MLLT6: variants seen among roughly 807,000 people sequenced by gnomAD.
MLLT6 encodes the protein MLLT6, PHD finger containing, also known as protein AF-17.
Under a neutral mutation model 103.0 loss-of-function variants are expected in MLLT6, and 22 were observed. That is an observed-to-expected ratio of 0.21 (90% CI 0.15 to 0.31). The LOEUF (loss-of-function observed/expected upper bound fraction) is 0.31. MLLT6 is among the 10% of genes least tolerant of loss of function. MLLT6 has a pLI of 1.00. For missense variants in MLLT6, 1,199 were observed against 1,441.7 expected, an observed-to-expected ratio of 0.83 and a Z score of 2.73; for synonymous variants, 606 against 623.5, an observed-to-expected ratio of 0.97 and a Z score of 0.42.
At position 38,716,496 on chromosome 17, in the gene MLLT6, C is replaced by T. The variant is rs201269762; in HGVS notation, c.1166C>T (p.Pro389Leu). 2.2e-5 allele frequency: 36 copies of T among 1,614,084 alleles called. No homozygotes were observed. Among genetic ancestry groups the T allele is most frequent in the Non-Finnish European group, 2.9e-5 (34 of 1,180,036 alleles). Residue 389 changes from proline to leucine, a missense_variant, in exon 10 of 20, where the codon CCC (proline) becomes CTC (leucine). Transcript: ENST00000621332. This position sits in a 1 kb window ranked among gnomAD's most constrained non-coding sequence, Gnocchi z 5.6. ...CCTTCTCCCTCAGCTCCCGAGCCCC[C>T]CAAGGCTGACCTTTTTGAGCAGAAG... Reference protein sequence around the residue: ...APPSPSAPEPPKADLFEQKVV... With the variant: ...APPSPSAPEPLKADLFEQKVV...
Position 38,720,541 on chromosome 17 carries a change from C to T in MLLT6, c.2325C>T (p.Val775=). Reference sequence around the variant, plus strand: ...CCCTGCCTGCCGCCAACGGCCCTGTCCCTGGGCCCTATGGCCTGCCTCCCC... The same window carrying T: ...CCCTGCCTGCCGCCAACGGCCCTGTTCCTGGGCCCTATGGCCTGCCTCCCC... ...PAALPAANGP[V]PGPYGLPPQA... The change falls in exon 15 of 20, where the codon GTC becomes GTT. Residue 775 remains valine (V), a synonymous_variant. Transcript: ENST00000621332. 3 of 1,612,274 alleles carry T rather than the reference C, an allele frequency of 1.9e-6. No homozygotes were observed. The highest frequency in any genetic ancestry group is 2.5e-6 in the Non-Finnish European group (3 of 1,179,584).
In MLLT6 at chr17:38,720,006, C is replaced by T. The variant is rs1646346275; in HGVS notation, c.2155+111C>T. On this transcript the variant is annotated intron_variant, in intron 14 of 19. Coordinates refer to ENST00000621332, the MANE Select transcript of MLLT6 (RefSeq NM_005937.4). ...GTTCCGCCCTTAGGCCCCGCCCCAG[C>T]CTTGACTCTCGGCCACCCCGGGCCT... The T allele has an allele frequency of 7.9e-6, 11 of 1,400,146 alleles. No individual in the cohort carries two copies. The South Asian group carries it at 1.6e-4, about 20-fold the overall frequency. The allele number at this position is 1,400,146 out of a possible 1,614,324, so 86.7% of individuals were successfully genotyped here. A position where few individuals can be genotyped will look rare whatever the true frequency, so the allele number is the denominator to read the frequency against.
chr17:38,725,675 C>T lies in MLLT6; in HGVS notation c.*77C>T, dbSNP rs1012873013. 2.7e-5 allele frequency: 34 copies of T among 1,277,270 alleles called. No individual in the cohort carries two copies. Among genetic ancestry groups the T allele is most frequent in the African/African-American group, 9.4e-5 (6 of 63,732 alleles). The allele number at this position is 1,277,270 out of a possible 1,614,324, so 79.1% of individuals were successfully genotyped here. On this transcript the variant is annotated 3_prime_UTR_variant, in exon 20 of 20. Transcript: ENST00000621332. ...CTGAGGGGTCCTAGCCTGGAGCAGGCGCCTGCGCCCAGACCCTGGAGAGCC... is the reference window on the plus strand; with the variant it reads ...CTGAGGGGTCCTAGCCTGGAGCAGGTGCCTGCGCCCAGACCCTGGAGAGCC...
In MLLT6 at chr17:38,724,462, C is replaced by A; in HGVS notation, c.2884-158C>A. The A allele has an allele frequency of 1.7e-6, 1 of 580,414 alleles. No individual in the cohort carries two copies. Among genetic ancestry groups the A allele is most frequent in the Non-Finnish European group, 3.0e-6 (1 of 332,922 alleles). 36.0% of individuals were successfully genotyped at this position (580,414 alleles called of 1,614,324 possible). A position where few individuals can be genotyped will look rare whatever the true frequency, so the allele number is the denominator to read the frequency against. On this transcript the variant is annotated intron_variant, in intron 18 of 19. Transcript: ENST00000621332. The surrounding 1 kb of genome is among the most constrained non-coding windows in gnomAD (Gnocchi z 5.4). Reference sequence around the variant, plus strand: ...TCTTGTCTAGATGGGGAGACCCAGGCTAAGTGGGAAATGCGAGACAGTACC... The same window carrying A: ...TCTTGTCTAGATGGGGAGACCCAGGATAAGTGGGAAATGCGAGACAGTACC...
intron 8 of MLLT6, chr17:38,713,954 A>G (rs1905230354): frequency 2.0e-5 from 3 of 152,280 alleles, no homozygotes; most frequent in Non-Finnish European, 2.9e-5. Context: ...TCCAGCCTGC[A>G]TTCAGCATTT....
rs72836945 is a variant in MLLT6 at position 38,709,906 on chromosome 17, A to G, written c.552+331A>G. ...AACATTTGTGTGGGAGGCAGCATTT[A>G]CTACGCCTCCGCCTTAGGACAAAGT... On this transcript the variant is annotated intron_variant, in intron 6 of 19. Coordinates refer to ENST00000621332, the MANE Select transcript of MLLT6 (RefSeq NM_005937.4). This position sits in a 1 kb window ranked among gnomAD's most constrained non-coding sequence, Gnocchi z 4.3. Among the ~76,000 whole-genome samples the G allele has an allele frequency of 0.056, 8,473 of 152,320 alleles. 299 individuals are homozygous for G. Among genetic ancestry groups the G allele is most frequent in the Non-Finnish European group, 0.084 (5,684 of 68,010 alleles).
chr17:38,717,744 C>A (rs2143691912), intron 11 of MLLT6, 101 bp from the exon 12 acceptor site: 1 of 1,348,854 alleles, frequency 7.4e-7, no homozygotes, highest in South Asian at 1.2e-5. Flanking sequence ...GGCTCTGGAC[C>A]CCTCTGCTCC....
chr17:38,716,565 C>T lies in MLLT6; in HGVS notation c.1235C>T (p.Thr412Ile). ...GGGCCCATCATGCGCTTCTCCACCA[C>T]CACCTCCAGCTCAGGCCGGGCCCGG... ...GFGPIMRFSTTTSSSGRARAP... is the reference protein window; with the variant it reads ...GFGPIMRFSTITSSSGRARAP... The change falls in exon 10 of 20, where the codon ACC becomes ATC. Residue 412 changes from threonine (T) to isoleucine (I), a missense_variant. Physicochemically the swap from Thr to Ile is moderately conservative, Grantham distance 89 (BLOSUM62 -1). This residue lies in a region of MLLT6 where 1,034 missense variants were observed against 1,091.5 expected (regional missense o/e 0.95). Transcript: ENST00000621332. This position sits in a 1 kb window ranked among gnomAD's most constrained non-coding sequence, Gnocchi z 5.6. 5 of 1,614,134 alleles carry T rather than the reference C, an allele frequency of 3.1e-6. No homozygotes were observed. The highest frequency in any genetic ancestry group is 4.2e-6 in the Non-Finnish European group (5 of 1,180,040).
chr17:38,707,440 C>T (rs1450952207), intron 2 of MLLT6, 46 bp from the exon 3 acceptor site: 2 of 1,599,784 alleles, frequency 1.3e-6, no homozygotes, highest in East Asian at 2.2e-5. Flanking sequence ...CAGGGAGGGT[C>T]CAGCTCAGCA....
intron 16 of MLLT6, chr17:38,721,133 A>G (rs933773553): frequency 7.3e-6 from 2 of 275,144 alleles, no homozygotes; most frequent in Non-Finnish European, 1.4e-5. Context: ...TGAAGGGTTT[A>G]TTATAGCGCC....
rs147190772 is a variant in MLLT6 at position 38,713,384 on chromosome 17, G to A, written c.819+595G>A. 19 of 318,098 alleles carry A rather than the reference G, an allele frequency of 6.0e-5. No homozygotes were observed. In the East Asian group the frequency reaches 9.3e-4, roughly 16 times the overall value. The allele number at this position is 318,098 out of a possible 1,614,324, so 19.7% of individuals were successfully genotyped here. A position where few individuals can be genotyped will look rare whatever the true frequency, so the allele number is the denominator to read the frequency against. ...AGGCCCTACCCTAGGCCAGGGAATT[G>A]CTAATCCAAGCTGGAACAGCCCTCC... On this transcript the variant is annotated intron_variant, in intron 8 of 19. Coordinates refer to ENST00000621332, the MANE Select transcript of MLLT6 (RefSeq NM_005937.4).
At chr17:38,706,863 C>T in intron 1 of MLLT6, 87 bp from the exon 2 acceptor site, 1 of 1,163,952 alleles carries the variant, frequency 8.6e-7, no homozygotes. Context: ...GGCTCTAGTC[C>T]TTTGGAGTCA....
chr17:38,714,275 C>T (rs1905239914), intron 8 of MLLT6: 1 of 152,246 alleles, frequency 6.6e-6, no homozygotes. Flanking sequence ...GGCTTGTGCT[C>T]TTCACCTGCC....
chr17:38,706,160 A>T (rs1379294051), intron 1 of MLLT6: 1 of 152,250 alleles, frequency 6.6e-6, no homozygotes, highest in Non-Finnish European at 1.5e-5. Context: ...GGAGGAGCGG[A>T]CTTGGAAAGG....
intron 10 of MLLT6, among the ~76,000 whole-genome samples, chr17:38,717,185 G>A (rs543383950): frequency 7.2e-5 from 11 of 152,294 alleles, no homozygotes; most frequent in African/African-American, 2.6e-4. Flanking sequence ...GTTTTACCAA[G>A]TTTTGGGAGG....
At chr17:38,713,318 C>T in intron 8 of MLLT6, 1 of 401,734 alleles carries the variant, frequency 2.5e-6, no homozygotes. Context: ...GTATGTCAGG[C>T]CTGTCTCCAG....
chr17:38,709,418 G>A lies in MLLT6; in HGVS notation c.459-64G>A. 6.7e-7 allele frequency: 1 copy of A among 1,487,040 alleles called. No homozygotes were observed. Among genetic ancestry groups the A allele is most frequent in the Non-Finnish European group, 9.4e-7 (1 of 1,064,410 alleles). The allele number at this position is 1,487,040 out of a possible 1,614,324, so 92.1% of individuals were successfully genotyped here. On this transcript the variant is annotated intron_variant, in intron 5 of 19. Coordinates refer to ENST00000621332, the MANE Select transcript of MLLT6 (RefSeq NM_005937.4). The surrounding 1 kb of genome is among the most constrained non-coding windows in gnomAD (Gnocchi z 4.3). ...TTCGCCTCAGCAGGGGGCCAGGAGGGTGAGAGGAAGGTGGCTCATGTGATC... is the reference window on the plus strand; with the variant it reads ...TTCGCCTCAGCAGGGGGCCAGGAGGATGAGAGGAAGGTGGCTCATGTGATC...
rs201581348 is a variant in MLLT6, at chr17:38,711,868, G to T, written c.574G>T (p.Gly192Trp). ...GCAGAAGACATCCCGGCACAGCAGCGGGGGAGGCGGAGGAGGCGCTGGAGG... is the reference window on the plus strand; with the variant it reads ...GCAGAAGACATCCCGGCACAGCAGCTGGGGAGGCGGAGGAGGCGCTGGAGG... The part of the protein sequence containing the change: ...SKMKTSRHSS[G>W]GGGGGAGGGG... Residue 192 changes from glycine to tryptophan, a missense_variant, in exon 7 of 20, where the codon GGG becomes TGG. Physicochemically the swap from Gly to Trp is radical, Grantham distance 184. Transcript: ENST00000621332. The T allele has an allele frequency of 6.3e-7, 1 of 1,585,126 alleles. No homozygotes were observed. The highest frequency in any genetic ancestry group is 1.8e-5 in the Admixed American group (1 of 55,678).
chr17:38,714,006 G>A (rs1905232218), intron 8 of MLLT6: 1 of 152,244 alleles, frequency 6.6e-6, no homozygotes, highest in South Asian at 2.1e-4. Context: ...TCGCTACTAG[G>A]AGGAAAAGGG....
Sources: gnomAD v4.1 joint callset for allele counts (sites outside exome capture counted in the v4.1 genomes callset) on GRCh38, gnomAD v4.1.1 for gene constraint, gnomAD v4.1.1 regional missense constraint, Gnocchi (gnomAD v3.1) non-coding constraint, MANE v1.5 for transcripts, NCBI Gene and HGNC (gene_info 2026-07-23, HGNC 2026-07-21) for gene names.